MYOCOS: variants seen among roughly 807,000 people sequenced by gnomAD.
The protein encoded by MYOCOS is myocilin opposite strand protein.
intron 1 of MYOCOS, among the ~76,000 whole-genome samples, chr1:171,601,844 A>T (rs1272710386): frequency 2.6e-5 from 4 of 152,334 alleles, no homozygotes; most frequent in Admixed American, 6.5e-5. Flanking sequence ...AGAGAAAAAG[A>T]GACCATCTAT....
upstream of MYOCOS, among the ~76,000 whole-genome samples, chr1:171,620,319 AC>A (rs575524076): frequency 8.6e-5 from 13 of 151,956 alleles, no homozygotes; most frequent in Non-Finnish European, 1.5e-4. Flanking sequence ...TTACTCTCCA[AC>A]CTGACTCTGG....
chr1:171,622,463 C>T (rs1652595764), intron 1 of MYOCOS, 131 bp downstream of exon 1: 1 of 152,168 alleles, frequency 6.6e-6, no homozygotes, highest in Non-Finnish European at 1.5e-5. Context: ...CCTTTTTTCG[C>T]CTTTTCTCTT....
At chr1:171,623,180 G>C (rs1412040214) in intron 1 of MYOCOS, among the ~76,000 whole-genome samples, 1 of 152,030 alleles carries the variant, frequency 6.6e-6, no homozygotes, top group Admixed American at 6.6e-5. Context: ...CTTGGTGACA[G>C]AGCCAGACCC....
chr1:171,618,670 G>A (rs1049148392), upstream of MYOCOS, among the ~76,000 whole-genome samples: 4 of 152,146 alleles, frequency 2.6e-5, no homozygotes, highest in Non-Finnish European at 5.9e-5. Flanking sequence ...CCGCCTCCTG[G>A]GTTCAAGCAA....
At chr1:171,612,971 G>A (rs2102935075) in intron 1 of MYOCOS, among the ~76,000 whole-genome samples, 1 of 152,316 alleles carries the variant, frequency 6.6e-6, no homozygotes, top group South Asian at 2.1e-4. Flanking sequence ...CTCACTGTGA[G>A]TTAGAGCTGG....
In MYOCOS at chr1:171,624,728, T is replaced by C. The variant is rs560799276; in HGVS notation, c.95+750T>C. Among the ~76,000 whole-genome samples, 103 of 152,124 alleles carry C rather than the reference T, an allele frequency of 6.8e-4. 1 individual carries two copies. Among genetic ancestry groups the C allele is most frequent in the Non-Finnish European group, 1.3e-3 (90 of 67,994 alleles). On this transcript the variant is annotated intron_variant, in intron 2 of 2. Transcript: ENST00000637642. Reference sequence around the variant, plus strand: ...TCCCAAAGTGCTGGGATTACAGGCGTGAGCGACTGTGCCCGGCCAGTTTTT... The same window carrying C: ...TCCCAAAGTGCTGGGATTACAGGCGCGAGCGACTGTGCCCGGCCAGTTTTT...
intron 2 of MYOCOS, among the ~76,000 whole-genome samples, chr1:171,616,432 G>T (rs925159407): frequency 1.5e-4 from 22 of 151,576 alleles, no homozygotes; most frequent in African/African-American, 5.3e-4. Context: ...CCCAGCTACT[G>T]GGGAGGCTGA....
At chr1:171,620,977 C>T (rs1319308889), upstream of MYOCOS, among the ~76,000 whole-genome samples, 1 of 151,914 alleles carries the variant, frequency 6.6e-6, no homozygotes, top group Non-Finnish European at 1.5e-5. Flanking sequence ...ACCTTGTTGG[C>T]CAGGATGGTC....
At chr1:171,610,783 C>T (rs1257661052) in intron 1 of MYOCOS, among the ~76,000 whole-genome samples, 1 of 152,200 alleles carries the variant, frequency 6.6e-6, no homozygotes, top group Admixed American at 6.5e-5. Flanking sequence ...GCCAAATCAC[C>T]TTTGATGTAA....
At chr1:171,604,383 A>G (rs938450607) in intron 1 of MYOCOS, 4 of 152,220 alleles carry the variant, frequency 2.6e-5, no homozygotes, top group African/African-American at 9.6e-5. Flanking sequence ...CTGAGGTAAG[A>G]CAAAAGATTG....
chr1:171,624,845 A>C (rs927615815), intron 2 of MYOCOS, among the ~76,000 whole-genome samples: 2 of 152,084 alleles, frequency 1.3e-5, no homozygotes, highest in Non-Finnish European at 2.9e-5. Flanking sequence ...CAGCATCCCA[A>C]GGTGCTGGGA....
intron 1 of MYOCOS, among the ~76,000 whole-genome samples, chr1:171,623,305 T>C (rs1025692938): frequency 6.6e-6 from 1 of 152,236 alleles, no homozygotes; most frequent in Non-Finnish European, 1.5e-5. Context: ...CCAGTCTCTA[T>C]GCCATGTGCA....
At chr1:171,624,624 T>G (rs235855) in intron 2 of MYOCOS, among the ~76,000 whole-genome samples, 77,194 of 150,580 alleles carry the variant, frequency 0.51, 19,818 homozygotes, top group African/African-American at 0.58. Flanking sequence ...GTGTGTGTGT[T>G]TTTTTTTAGT....
intron 2 of MYOCOS, among the ~76,000 whole-genome samples, chr1:171,615,156 T>G (rs1229757334): frequency 6.6e-6 from 1 of 152,194 alleles, no homozygotes; most frequent in Non-Finnish European, 1.5e-5. Context: ...TAACATGACA[T>G]GTTTTTAAAA....
At chr1:171,621,051 A>T (rs1652557322), upstream of MYOCOS, among the ~76,000 whole-genome samples, 1 of 151,968 alleles carries the variant, frequency 6.6e-6, no homozygotes, top group South Asian at 2.1e-4. Context: ...TACAGGCACG[A>T]GCCACCGTGC....
intron 1 of MYOCOS, among the ~76,000 whole-genome samples, chr1:171,613,262 C>G (rs1430011933): frequency 6.6e-6 from 1 of 152,148 alleles, no homozygotes; most frequent in Admixed American, 6.5e-5. Flanking sequence ...AGAAACTGAA[C>G]AAGGGATGGT....
intron 1 of MYOCOS, among the ~76,000 whole-genome samples, chr1:171,606,787 G>A (rs1026218910): frequency 3.3e-5 from 5 of 152,204 alleles, no homozygotes; most frequent in East Asian, 1.9e-4. Context: ...TCTACAACTC[G>A]GTGTCTCAGA....
At chr1:171,617,709 T>C (rs1558081292), upstream of MYOCOS, among the ~76,000 whole-genome samples, 1 of 152,214 alleles carries the variant, frequency 6.6e-6, no homozygotes. Flanking sequence ...GTCTTTGTTT[T>C]GTGGTGGGGA....
Position 171,626,858 on chromosome 1 carries a change from T to C in MYOCOS, c.*257T>C, listed in dbSNP as rs1652717741. The C allele has an allele frequency of 3.3e-6, 1 of 304,694 alleles. No homozygotes were observed. The highest frequency in any genetic ancestry group is 5.9e-6 in the Non-Finnish European group (1 of 168,078). The allele number at this position is 304,694 out of a possible 1,614,324, so 18.9% of individuals were successfully genotyped here. A position where few individuals can be genotyped will look rare whatever the true frequency, so the allele number is the denominator to read the frequency against. ...GCTATAGAACTGTTGCTGTAGTCAGTTGTATTTAAATTAATAAACAGTTAT... is the reference window on the plus strand; with the variant it reads ...GCTATAGAACTGTTGCTGTAGTCAGCTGTATTTAAATTAATAAACAGTTAT... On this transcript the variant is annotated 3_prime_UTR_variant, in exon 3 of 3. Coordinates refer to ENST00000637642, the MANE Select transcript of MYOCOS (RefSeq NM_001391940.1).
Sources: allele counts gnomAD v4.1 joint callset (sites outside exome capture counted in the v4.1 genomes callset), GRCh38; gene constraint gnomAD v4.1.1; transcripts MANE v1.5; gene names NCBI Gene and HGNC (gene_info 2026-07-23, HGNC 2026-07-21).